Variants in TTC39C observed in about 807,000 individuals in gnomAD.
TTC39C encodes tetratricopeptide repeat protein 39C.
A neutral mutation model predicts 76.3 loss-of-function variants in TTC39C; 33 were observed. That is an observed-to-expected ratio of 0.43 (90% confidence interval 0.33 to 0.58). The LOEUF is 0.58. TTC39C is among the 20% of genes least tolerant of loss of function. The pLI is 0.04. For missense variants in TTC39C, 595 were observed against 701.4 expected (o/e 0.85, Z 1.71); for synonymous variants, 254 against 260.6 (o/e 0.97, Z 0.24).
intron 6 of TTC39C, among the ~76,000 whole-genome samples, chr18:24,106,399 A>C (rs1279009058): frequency 7.3e-6 from 1 of 137,748 alleles, no homozygotes; most frequent in East Asian, 2.4e-4. Context: ...TAAATCGCTC[A>C]GTGGAAAGAG....
intron 8 of TTC39C, among the ~76,000 whole-genome samples, chr18:24,122,089 G>T (rs375508223): frequency 6.6e-6 from 1 of 152,122 alleles, no homozygotes; most frequent in East Asian, 1.9e-4. Context: ...AGCTCTCTCC[G>T]AGCCTCAATT....
In TTC39C at chr18:24,015,702, A is replaced by G. The variant is rs150950382; in HGVS notation, c.167+664A>G. Reference sequence around the variant, plus strand: ...GCGTTATTTATTAAGAATTTTTCCAACGTAAATAAAGGAAGGAAGAAAATG... The same window carrying G: ...GCGTTATTTATTAAGAATTTTTCCAGCGTAAATAAAGGAAGGAAGAAAATG... On this transcript the variant is annotated intron_variant, in intron 1 of 13. Transcript: ENST00000317571. 3.6e-3 allele frequency among the ~76,000 whole-genome samples: 552 copies of G among 152,310 alleles called. 3 individuals carry two copies. The highest frequency in any genetic ancestry group is 0.013 in the African/African-American group (536 of 41,562).
chr18:24,015,900 A>G (rs572933666), intron 1 of TTC39C, among the ~76,000 whole-genome samples: 77 of 152,320 alleles, frequency 5.1e-4, no homozygotes, highest in African/African-American at 1.7e-3. Context: ...GGGTTGAGGA[A>G]GCAAGTTTGT....
Position 24,070,051 on chromosome 18 carries a change from C to A in TTC39C, c.460+780C>A, listed in dbSNP as rs1315311723. Reference sequence around the variant, plus strand: ...ACCCTAAATGAAGAAGGATAAATTTCTTTTAAATTATAACATACTCTTTTC... The same window carrying A: ...ACCCTAAATGAAGAAGGATAAATTTATTTTAAATTATAACATACTCTTTTC... On this transcript the variant is annotated intron_variant, in intron 4 of 13. Coordinates refer to ENST00000317571, the MANE Select transcript of TTC39C (RefSeq NM_001135993.2). Among the ~76,000 whole-genome samples the A allele has an allele frequency of 5.9e-5, 9 of 152,152 alleles. No homozygotes were observed. The South Asian group carries it at 1.4e-3, about 24-fold the overall frequency.
At chr18:24,066,249 C>T in intron 3 of TTC39C, 109 bp downstream of exon 3, 1 of 1,343,700 alleles carries the variant, frequency 7.4e-7, no homozygotes, top group Non-Finnish European at 1.0e-6. Context: ...TAGAATATGA[C>T]TGAAAAACCA....
intron 6 of TTC39C, among the ~76,000 whole-genome samples, chr18:24,088,938 AG>A (rs1421248717): frequency 6.6e-6 from 1 of 152,108 alleles, no homozygotes; most frequent in East Asian, 1.9e-4. Flanking sequence ...CAACTGTGAG[AG>A]GTGCCTTTTA....
At chr18:24,031,676 A>G (rs933772736) in intron 1 of TTC39C, among the ~76,000 whole-genome samples, 4 of 151,994 alleles carry the variant, frequency 2.6e-5, no homozygotes, top group Admixed American at 1.3e-4. Context: ...GCTGCCTTAT[A>G]TCCTCCCTGC....
At chr18:24,005,274 G>T (rs1233495455) in intron 1 of TTC39C, among the ~76,000 whole-genome samples, 1 of 152,114 alleles carries the variant, frequency 6.6e-6, no homozygotes, top group Non-Finnish European at 1.5e-5. Flanking sequence ...GTTACTTTGA[G>T]AATTAAATGG....
chr18:24,118,506 A>T (rs1158188631), intron 8 of TTC39C, among the ~76,000 whole-genome samples: 3 of 152,086 alleles, frequency 2.0e-5, no homozygotes, highest in African/African-American at 7.2e-5. Flanking sequence ...TGTGTCTTGG[A>T]AATGCATATT....
At chr18:24,125,874 T>C (rs2085044326) in intron 10 of TTC39C, among the ~76,000 whole-genome samples, 1 of 152,142 alleles carries the variant, frequency 6.6e-6, no homozygotes, top group South Asian at 2.1e-4. Context: ...CATTTAGGTG[T>C]GATTCACATA....
chr18:24,017,542 G>A (rs1216743716), intron 1 of TTC39C, among the ~76,000 whole-genome samples: 1 of 152,182 alleles, frequency 6.6e-6, no homozygotes, highest in Non-Finnish European at 1.5e-5. Flanking sequence ...TGCATAGTTC[G>A]AGTACAAGAC....
At chr18:24,058,133 G>C (rs1045777258) in intron 1 of TTC39C, among the ~76,000 whole-genome samples, 31 of 152,192 alleles carry the variant, frequency 2.0e-4, no homozygotes, top group African/African-American at 7.2e-4. Context: ...ACACAAAGAA[G>C]GGACCAACAG....
intron 1 of TTC39C, among the ~76,000 whole-genome samples, chr18:24,005,524 A>T (rs1338361043): frequency 1.3e-5 from 2 of 152,088 alleles, no homozygotes; most frequent in East Asian, 3.8e-4. Context: ...TTGACATATA[A>T]TTTATATACA....
rs189507374 is a variant in TTC39C, at chr18:24,024,367, A to G, written c.167+9329A>G. Among the ~76,000 whole-genome samples the G allele has an allele frequency of 1.1e-3, 166 of 152,152 alleles. 2 individuals are homozygous for G. The highest frequency in any genetic ancestry group is 0.01 in the South Asian group (49 of 4,804). ...ACACCTTTATCCGATGATAAAATGA[A>G]GTAGTTAGATGATTGCACCCTTGTA... On this transcript the variant is annotated intron_variant, in intron 1 of 13. Coordinates refer to ENST00000317571, the MANE Select transcript of TTC39C (RefSeq NM_001135993.2).
At chr18:24,073,327 C>T (rs1025540255) in intron 4 of TTC39C, among the ~76,000 whole-genome samples, 2 of 152,208 alleles carry the variant, frequency 1.3e-5, no homozygotes, top group South Asian at 4.1e-4. Context: ...GCCTCTTTCC[C>T]AGCCACCTGC....
chr18:24,004,946 C>T (rs1195078336), intron 1 of TTC39C, among the ~76,000 whole-genome samples: 2 of 152,218 alleles, frequency 1.3e-5, no homozygotes, highest in African/African-American at 4.8e-5. Flanking sequence ...GCCTGGGCTG[C>T]ACCCTAATTT....
chr18:24,014,113 G>A (rs570005101), upstream of TTC39C, among the ~76,000 whole-genome samples: 669 of 152,342 alleles, frequency 4.4e-3, 7 homozygotes, highest in African/African-American at 0.015. Context: ...TGCGGGGCAG[G>A]TGCCAGAGAC....
chr18:24,124,103 A>T, intron 9 of TTC39C, 160 bp downstream of exon 9: 1 of 536,338 alleles, frequency 1.9e-6, no homozygotes. Flanking sequence ...ATGATTGTAC[A>T]TCTGCTCTGA....
intron 6 of TTC39C, chr18:24,099,106 T>C (rs9954599): frequency 7.7e-6 from 1 of 130,136 alleles, no homozygotes; most frequent in East Asian, 2.2e-4. Flanking sequence ...CATATATATA[T>C]ATAAAACGTG....
Sources: allele counts gnomAD v4.1 joint callset (sites outside exome capture counted in the v4.1 genomes callset), GRCh38; gene constraint gnomAD v4.1.1; transcripts MANE v1.5; gene names NCBI Gene and HGNC (gene_info 2026-07-23, HGNC 2026-07-21).